SH3BGRL2: variants seen among roughly 807,000 people sequenced by gnomAD.
SH3BGRL2 encodes the protein SH3 domain-binding glutamic acid-rich-like protein 2.
In SH3BGRL2, 21 loss-of-function variants were observed where a neutral mutation model predicts 14.8. The observed-to-expected ratio is 1.42, with a 90% CI of 1.01 to 2.05. The LOEUF (loss-of-function observed/expected upper bound fraction) is 2.05. SH3BGRL2 is among the 30% of genes most tolerant of loss of function. SH3BGRL2 has a pLI of 0.00. For synonymous variants in SH3BGRL2, 50 were observed against 47.8 expected (o/e 1.05, Z -0.19); for missense variants, 147 against 130.8 (o/e 1.12, Z -0.61).
chr6:79,586,056 C>T, the SH3BGRL2 span, among the ~76,000 whole-genome samples: 17 of 151,944 alleles, frequency 1.1e-4, 1 homozygote, highest in Admixed American at 1.0e-3. Context: ...ATTAGCCAGG[C>T]GTGGTGGCGC....
the SH3BGRL2 span, among the ~76,000 whole-genome samples, chr6:79,556,063 A>T: frequency 7.0e-6 from 1 of 142,164 alleles, no homozygotes; most frequent in Non-Finnish European, 1.5e-5. Flanking sequence ...ATAGCAAGTG[A>T]ATTTAAGAAG....
intron 1 of SH3BGRL2, among the ~76,000 whole-genome samples, chr6:79,666,440 T>A (rs1432439558): frequency 6.6e-6 from 1 of 152,240 alleles, no homozygotes; most frequent in African/African-American, 2.4e-5. Flanking sequence ...GTAACTAGGC[T>A]AATGTCTGCC....
the SH3BGRL2 span, among the ~76,000 whole-genome samples, chr6:79,601,429 C>T: frequency 6.6e-6 from 1 of 152,322 alleles, no homozygotes; most frequent in African/African-American, 2.4e-5. Context: ...CTCCTGGGCT[C>T]AAGTCATCCA....
the SH3BGRL2 span, among the ~76,000 whole-genome samples, chr6:79,594,905 G>A: frequency 6.6e-6 from 1 of 152,204 alleles, no homozygotes; most frequent in Non-Finnish European, 1.5e-5. Context: ...GCTTATCTTG[G>A]GAAGAAGTGA....
At chr6:79,616,434 A>G in the SH3BGRL2 span, among the ~76,000 whole-genome samples, 1 of 152,332 alleles carries the variant, frequency 6.6e-6, no homozygotes, top group African/African-American at 2.4e-5. Flanking sequence ...ATAAGAATCA[A>G]TATTAATTGA....
At chr6:79,662,001 G>C (rs952065227) in intron 1 of SH3BGRL2, among the ~76,000 whole-genome samples, 4 of 152,008 alleles carry the variant, frequency 2.6e-5, no homozygotes, top group African/African-American at 9.7e-5. Flanking sequence ...TTGCTTGGTA[G>C]ATCTTCCTCC....
chr6:79,543,615 TTCC>T, the SH3BGRL2 span, among the ~76,000 whole-genome samples: 1 of 152,154 alleles, frequency 6.6e-6, no homozygotes, highest in Non-Finnish European at 1.5e-5. Context: ...CCCCACCCAC[TTCC>T]TGCAGCAGAA....
intron 1 of SH3BGRL2, among the ~76,000 whole-genome samples, chr6:79,642,358 A>C (rs936469714): frequency 1.3e-5 from 2 of 152,208 alleles, no homozygotes; most frequent in Non-Finnish European, 2.9e-5. Context: ...ACTTGATATA[A>C]GGGACTTGAG....
the SH3BGRL2 span, among the ~76,000 whole-genome samples, chr6:79,622,742 T>C: frequency 6.6e-6 from 1 of 152,236 alleles, no homozygotes; most frequent in Non-Finnish European, 1.5e-5. Flanking sequence ...CATTGGGTTT[T>C]TAGGAATTAC....
At chr6:79,684,703 T>C (rs1458912979) in intron 2 of SH3BGRL2, among the ~76,000 whole-genome samples, 3 of 152,340 alleles carry the variant, frequency 2.0e-5, no homozygotes, top group South Asian at 2.1e-4. Flanking sequence ...AGCAATCTTA[T>C]TGAATCTACT....
Position 79,702,939 on chromosome 6 carries a change from C to A in SH3BGRL2, c.*3430C>A, listed in dbSNP as rs1391831457. ...CAGAAAGCAGAAGAAAACAGTATTT[C>A]TGAAGGCATTGTTTGAGGTTGATCT... is the stretch of plus-strand genomic sequence containing the variant. On this transcript the variant is annotated 3_prime_UTR_variant, in exon 4 of 4. Transcript: ENST00000369838. The A allele has an allele frequency of 6.6e-6, 1 of 152,234 alleles. No homozygotes were observed. Among genetic ancestry groups the A allele is most frequent in the Non-Finnish European group, 1.5e-5 (1 of 68,060 alleles). The allele number at this position is 152,234 out of a possible 1,614,324, so 9.4% of individuals were successfully genotyped here.
chr6:79,677,427 A>G (rs1323034624), intron 2 of SH3BGRL2, among the ~76,000 whole-genome samples: 1 of 152,134 alleles, frequency 6.6e-6, no homozygotes, highest in Admixed American at 6.6e-5. Flanking sequence ...TCCCCACTGA[A>G]TGGAATCTCC....
the SH3BGRL2 span, among the ~76,000 whole-genome samples, chr6:79,590,585 C>T: frequency 1.3e-5 from 2 of 151,574 alleles, no homozygotes; most frequent in East Asian, 3.9e-4. Flanking sequence ...CCAAATACTG[C>T]ATGTTCTCAT....
chr6:79,696,811 C>T lies in SH3BGRL2; in HGVS notation c.312+246C>T, dbSNP rs138616062. Among the ~76,000 whole-genome samples the T allele has an allele frequency of 3.3e-3, 497 of 152,066 alleles. 3 individuals are homozygous for T. The highest frequency in any genetic ancestry group is 0.011 in the South Asian group (55 of 4,820). On this transcript the variant is annotated intron_variant, in intron 3 of 3. Coordinates refer to ENST00000369838, the MANE Select transcript of SH3BGRL2 (RefSeq NM_031469.4). ...AATATTACCTTATTTTTAATTTATA[C>T]CCCATTCCTCCAAGAATTTAAGGTA...
chr6:79,563,195 T>G, the SH3BGRL2 span, among the ~76,000 whole-genome samples: 1 of 151,592 alleles, frequency 6.6e-6, no homozygotes, highest in Non-Finnish European at 1.5e-5. Context: ...GCCAGGATGG[T>G]CTTGATCTCC....
chr6:79,656,815 A>G (rs2812713), intron 1 of SH3BGRL2, among the ~76,000 whole-genome samples: 123,755 of 152,012 alleles, frequency 0.81, 50,542 homozygotes, highest in East Asian at 0.98. Flanking sequence ...GGGGTTGGGG[A>G]GAGCTCCTGA....
chr6:79,627,247 A>T (rs1199209840), upstream of SH3BGRL2, among the ~76,000 whole-genome samples: 1 of 152,174 alleles, frequency 6.6e-6, no homozygotes. Context: ...TTCCTAAAAG[A>T]GGAATTTGAA....
At chr6:79,615,075 A>G in the SH3BGRL2 span, among the ~76,000 whole-genome samples, 53,386 of 152,064 alleles carry the variant, frequency 0.35, 9,812 homozygotes, top group Non-Finnish European at 0.38. Context: ...AGAGGAAGCC[A>G]GAGGACTCAC....
intron 2 of SH3BGRL2, among the ~76,000 whole-genome samples, chr6:79,692,916 G>T (rs1162988120): frequency 6.6e-6 from 1 of 152,116 alleles, no homozygotes; most frequent in Non-Finnish European, 1.5e-5. Flanking sequence ...ACCTTGATGG[G>T]GATGGCATTT....
Sources: gnomAD v4.1 joint callset for allele counts (sites outside exome capture counted in the v4.1 genomes callset) on GRCh38, gnomAD v4.1.1 for gene constraint, MANE v1.5 for transcripts, NCBI Gene and HGNC (gene_info 2026-07-23, HGNC 2026-07-21) for gene names.